Variants in RIMKLB observed in about 807,000 individuals in gnomAD.
RIMKLB encodes the protein beta-citrylglutamate synthase B.
In RIMKLB, 7 loss-of-function variants were observed where a neutral mutation model predicts 32.0. The ratio of observed to expected loss-of-function variants is 0.22; its 90% confidence interval spans 0.12 to 0.41. RIMKLB has a LOEUF of 0.41. Among genes scored for constraint, RIMKLB ranks in the 10% least tolerant of loss-of-function variants. RIMKLB has a pLI of 1.00. For synonymous variants in RIMKLB, 172 were observed against 185.1 expected (o/e 0.93, Z 0.57); for missense variants, 289 against 498.7 (o/e 0.58, Z 4.00).
chr12:8,756,153 C>CAA lies in RIMKLB; in HGVS notation c.697+2077_697+2078dup, dbSNP rs1233371130. On this transcript the variant is annotated intron_variant, in intron 5 of 5. Coordinates refer to ENST00000535829, the MANE Select transcript of RIMKLB (RefSeq NM_001297776.2). Reference sequence around the variant, plus strand: ...TGGGCAACAGAGTGAGACTCTGCCTCAAAAAAAAAAAAAAAAAATTAGCTG... The same window carrying CAA: ...TGGGCAACAGAGTGAGACTCTGCCTCAAAAAAAAAAAAAAAAAAAATTAGCTG... Among the ~76,000 whole-genome samples the CAA allele has an allele frequency of 2.4e-3, 271 of 114,194 alleles. 1 individual carries two copies. The highest frequency in any genetic ancestry group is 0.015 in the Middle Eastern group (3 of 204). The allele number at this position is 114,194 out of a possible 152,430, so 74.9% of individuals were successfully genotyped here.
At chr12:8,706,617 A>T (rs1198647929) in intron 1 of RIMKLB, among the ~76,000 whole-genome samples, 8 of 148,978 alleles carry the variant, frequency 5.4e-5, no homozygotes, top group Non-Finnish European at 1.2e-4. Context: ...CGTCCGGCTA[A>T]TTTTTTTGTA....
intron 1 of RIMKLB, among the ~76,000 whole-genome samples, chr12:8,687,860 C>T (rs1200089267): frequency 6.7e-6 from 1 of 148,408 alleles, no homozygotes; most frequent in African/African-American, 2.5e-5. Context: ...CCTGGGAGAG[C>T]TTCAAGAAAC....
chr12:8,757,695 T>A (rs1467940737), intron 5 of RIMKLB, among the ~76,000 whole-genome samples: 1 of 152,172 alleles, frequency 6.6e-6, no homozygotes, highest in African/African-American at 2.4e-5. Context: ...AACTAGTTAT[T>A]ATTTTATGTT....
intron 2 of RIMKLB, among the ~76,000 whole-genome samples, chr12:8,724,998 A>G (rs928848407): frequency 6.6e-6 from 1 of 152,190 alleles, no homozygotes; most frequent in African/African-American, 2.4e-5. Flanking sequence ...CCCAGGTACT[A>G]TAATTTCTCA....
At chr12:8,740,135 A>AAG (rs1013599773) in intron 2 of RIMKLB, among the ~76,000 whole-genome samples, 2 of 151,662 alleles carry the variant, frequency 1.3e-5, no homozygotes, top group Non-Finnish European at 2.9e-5. Context: ...CAGACTCCTC[A>AAG]CCTCAAGTGG....
At chr12:8,777,637 CAG>C (rs1950813210), downstream of RIMKLB, 1 of 1,288,876 alleles carries the variant, frequency 7.8e-7, no homozygotes, top group Non-Finnish European at 1.0e-6. Context: ...AAAAAATACC[CAG>C]AGAAAAAACT....
chr12:8,710,342 C>CT (rs1944274441), intron 1 of RIMKLB, among the ~76,000 whole-genome samples: 2 of 135,766 alleles, frequency 1.5e-5, no homozygotes, highest in Non-Finnish European at 3.1e-5. Flanking sequence ...GAGTTTCGCT[C>CT]TGTCACCCAG....
At chr12:8,730,671 T>A (rs1946452120) in intron 2 of RIMKLB, among the ~76,000 whole-genome samples, 1 of 152,226 alleles carries the variant, frequency 6.6e-6, no homozygotes, top group Non-Finnish European at 1.5e-5. Context: ...CAACTTTGCA[T>A]TGTGGAAAGG....
chr12:8,716,971 C>T (rs1944917112), intron 2 of RIMKLB, among the ~76,000 whole-genome samples: 1 of 150,830 alleles, frequency 6.6e-6, no homozygotes, highest in South Asian at 2.1e-4. Flanking sequence ...TACTTTTCCC[C>T]TGTAGTGTTA....
chr12:8,716,237 A>G (rs896916691), intron 2 of RIMKLB, among the ~76,000 whole-genome samples: 3 of 152,154 alleles, frequency 2.0e-5, no homozygotes, highest in South Asian at 4.1e-4. Flanking sequence ...TCTAGGGTTG[A>G]AAACCATTGC....
upstream of RIMKLB, among the ~76,000 whole-genome samples, chr12:8,680,130 C>CA (rs144299094): frequency 3.3e-5 from 5 of 150,990 alleles, no homozygotes; most frequent in South Asian, 2.1e-4. Context: ...CCCTATATGT[C>CA]AAAAAAAGGG....
In RIMKLB at chr12:8,775,384, A is replaced by G. The variant is rs1195640995; in HGVS notation, c.*1600A>G. 6 of 985,346 alleles carry G rather than the reference A, an allele frequency of 6.1e-6. No individual in the cohort carries two copies. The highest frequency in any genetic ancestry group is 6.2e-5 in the Admixed American group (1 of 16,256). The allele number at this position is 985,346 out of a possible 1,614,324, so 61.0% of individuals were successfully genotyped here. ...AATATGAGCCTTTAAAACATGGGTA[A>G]AACTAATCCCATTGATGGGTTTGGA... On this transcript the variant is annotated 3_prime_UTR_variant, in exon 6 of 6. Transcript: ENST00000535829.
At chr12:8,673,584 C>A in the RIMKLB span, among the ~76,000 whole-genome samples, 3 of 151,598 alleles carry the variant, frequency 2.0e-5, no homozygotes, top group Non-Finnish European at 4.4e-5. Flanking sequence ...TCCACCAACT[C>A]AACTCACTCG....
At position 8,775,652 on chromosome 12, in the gene RIMKLB, GT is replaced by G. The variant is rs1950684528; in HGVS notation, c.*1873del. Reference sequence around the variant, plus strand: ...AGGTTTGATCATGCTTACTTGTACAGTTTTTCCCCCGTTTTAAAAAGGAATG... The same window carrying G: ...AGGTTTGATCATGCTTACTTGTACAGTTTTCCCCCGTTTTAAAAAGGAATG... On this transcript the variant is annotated 3_prime_UTR_variant, in exon 6 of 6. Transcript: ENST00000535829. The G allele has an allele frequency of 6.1e-6, 6 of 985,560 alleles. No individual in the cohort carries two copies. Among genetic ancestry groups the G allele is most frequent in the South Asian group, 9.4e-5 (2 of 21,284 alleles). 61.1% of individuals were successfully genotyped at this position (985,560 alleles called of 1,614,324 possible). A position where few individuals can be genotyped will look rare whatever the true frequency, so the allele number is the denominator to read the frequency against.
intron 5 of RIMKLB, 152 bp downstream of exon 5, chr12:8,754,245 T>C: frequency 1.6e-6 from 1 of 620,270 alleles, no homozygotes. Context: ...ATGCCATCAA[T>C]GTAATTAAAC....
At chr12:8,696,445 T>C (rs1942891530), upstream of RIMKLB, among the ~76,000 whole-genome samples, 1 of 152,266 alleles carries the variant, frequency 6.6e-6, no homozygotes. Context: ...TAGGTTACTC[T>C]CACTGACCTA....
Position 8,774,379 on chromosome 12 carries a change from C to T in RIMKLB, c.*595C>T. The stretch of plus-strand genomic sequence containing the variant: ...TGGTGGGAGGTCAAATTGAATATAA[C>T]CCAATAAAGGCTTCTTAATGACAAA... On this transcript the variant is annotated 3_prime_UTR_variant, in exon 6 of 6. Coordinates refer to ENST00000535829, the MANE Select transcript of RIMKLB (RefSeq NM_001297776.2). 1.0e-6 allele frequency: 1 copy of T among 985,506 alleles called. No individual in the cohort carries two copies. 61.0% of individuals were successfully genotyped at this position (985,506 alleles called of 1,614,324 possible).
chr12:8,763,306 G>C (rs777325746), intron 5 of RIMKLB, among the ~76,000 whole-genome samples: 18 of 152,272 alleles, frequency 1.2e-4, no homozygotes, highest in Admixed American at 9.1e-4. Flanking sequence ...GTAAAGAAAA[G>C]TCTTGGCCTG....
chr12:8,767,138 T>G (rs1309289231), intron 5 of RIMKLB, among the ~76,000 whole-genome samples: 3 of 152,226 alleles, frequency 2.0e-5, no homozygotes, highest in Non-Finnish European at 4.4e-5. Flanking sequence ...GACCTTCCAT[T>G]ATCAATTATA....
Sources: allele counts gnomAD v4.1 joint callset (sites outside exome capture counted in the v4.1 genomes callset), GRCh38; gene constraint gnomAD v4.1.1; transcripts MANE v1.5; gene names NCBI Gene and HGNC (gene_info 2026-07-23, HGNC 2026-07-21).